ALG14: variants seen among roughly 807,000 people sequenced by gnomAD.
The protein encoded by ALG14 is UDP-N-acetylglucosamine transferase subunit ALG14.
Under a neutral mutation model 22.8 loss-of-function variants are expected in ALG14, and 17 were observed. That is an observed-to-expected ratio of 0.75 (90% CI 0.51 to 1.12). The LOEUF (loss-of-function observed/expected upper bound fraction) is 1.12. Ranked by LOEUF, ALG14 falls within the 50% of genes most tolerant of loss-of-function variation. The pLI, the probability that ALG14 is intolerant of heterozygous loss-of-function variation, is 0.00. For synonymous variants in ALG14, 89 were observed against 103.7 expected (o/e 0.86, Z 0.86); for missense variants, 288 against 271.8 (o/e 1.06, Z -0.42).
intron 2 of ALG14, among the ~76,000 whole-genome samples, chr1:95,041,835 A>G (rs1210688783): frequency 6.6e-6 from 1 of 152,120 alleles, no homozygotes; most frequent in Non-Finnish European, 1.5e-5. Context: ...TGGTTGATAA[A>G]TCCTGCAACC....
intron 3 of ALG14, among the ~76,000 whole-genome samples, chr1:94,995,407 G>T (rs1451419685): frequency 6.6e-6 from 1 of 152,150 alleles, no homozygotes; most frequent in East Asian, 1.9e-4. Flanking sequence ...TACTCTTGGT[G>T]TGCTTAAAGA....
chr1:94,998,129 A>G (rs1672955052), intron 3 of ALG14, among the ~76,000 whole-genome samples: 2 of 152,238 alleles, frequency 1.3e-5, no homozygotes. Flanking sequence ...GGTAACATTT[A>G]AAATAAAATT....
chr1:95,039,842 C>T (rs1387797091), intron 2 of ALG14, among the ~76,000 whole-genome samples: 1 of 152,030 alleles, frequency 6.6e-6, no homozygotes, highest in Non-Finnish European at 1.5e-5. Context: ...GGAGCAGAAG[C>T]CTCGCTTGAC....
intron 2 of ALG14, among the ~76,000 whole-genome samples, chr1:95,059,706 T>C (rs1465017481): frequency 6.6e-6 from 1 of 152,028 alleles, no homozygotes; most frequent in South Asian, 2.1e-4. Flanking sequence ...TGTTCTATTC[T>C]ATATGATCCA....
At chr1:95,042,652 C>T (rs1674419173) in intron 2 of ALG14, among the ~76,000 whole-genome samples, 1 of 152,252 alleles carries the variant, frequency 6.6e-6, no homozygotes. Flanking sequence ...GACACTGCTC[C>T]ACTGTACTTC....
intron 3 of ALG14, among the ~76,000 whole-genome samples, chr1:95,015,448 A>G (rs541527291): frequency 1.3e-5 from 2 of 152,366 alleles, no homozygotes; most frequent in Non-Finnish European, 2.9e-5. Context: ...ACTAGAGAAC[A>G]ATTAAATGCT....
Position 94,975,050 on chromosome 1 carries a change from CT to C in ALG14, c.*8025del, listed in dbSNP as rs1672368506. On this transcript the variant is annotated 3_prime_UTR_variant, in exon 4 of 4. Transcript: ENST00000370205. ...ATTCACCCAGTATACAATTCAGTGG[CT>C]TTTAGTATATTCACAGAGATGTACA... 1 of 152,192 alleles carries C rather than the reference CT, an allele frequency of 6.6e-6. No homozygotes were observed. The highest frequency in any genetic ancestry group is 1.5e-5 in the Non-Finnish European group (1 of 68,042). The allele number at this position is 152,192 out of a possible 1,614,324, so 9.4% of individuals were successfully genotyped here.
At chr1:94,983,381 CCTGATTTCAGA>C (rs1328205252) in intron 3 of ALG14, 75 bp from the exon 4 acceptor site, 10 of 1,243,494 alleles carry the variant, frequency 8.0e-6, no homozygotes, top group Non-Finnish European at 1.1e-5. Context: ...TTAAGAACAG[CCTGATTTCAGA>C]GGGGATCTGC....
intron 2 of ALG14, among the ~76,000 whole-genome samples, chr1:95,029,196 G>C: frequency 8.5e-6 from 1 of 117,948 alleles, no homozygotes; most frequent in East Asian, 3.8e-4. Flanking sequence ...CCACTTCCAA[G>C]GTGGCTCACT....
At position 94,983,152 on chromosome 1, in the gene ALG14, G is replaced by A. The variant is rs1442540975; in HGVS notation, c.575C>T (p.Ser192Leu). ...SMSGKILFHLSDYFIVQWPAL... is the reference protein window; with the variant it reads ...SMSGKILFHLLDYFIVQWPAL... ...CGGCCACTGAACAATGAAGTAATCT[G>A]AGAGATGAAACAGAATCTTTCCGGA... is the stretch of plus-strand genomic sequence containing the variant. Residue 192 changes from serine to leucine, a missense_variant, in exon 4 of 4, where the codon TCA (serine) becomes TTA (leucine). Ser to Leu is a moderately radical substitution (Grantham distance 145, BLOSUM62 -2). Transcript: ENST00000370205. 5.0e-6 allele frequency: 8 copies of A among 1,614,104 alleles called. No homozygotes were observed. Among genetic ancestry groups the A allele is most frequent in the Non-Finnish European group, 6.8e-6 (8 of 1,180,022 alleles).
At chr1:95,060,129 AACACACACACACACACACACAC>A (rs60558070) in intron 2 of ALG14, among the ~76,000 whole-genome samples, 61 of 143,048 alleles carry the variant, frequency 4.3e-4, no homozygotes, top group Middle Eastern at 3.5e-3. Flanking sequence ...TACACACACA[AACACACACACACACACACACAC>A]ACACACACAC....
chr1:95,023,625 A>G (rs1035909335), intron 3 of ALG14, among the ~76,000 whole-genome samples: 1 of 152,234 alleles, frequency 6.6e-6, no homozygotes, highest in African/African-American at 2.4e-5. Flanking sequence ...GAAATGGTCC[A>G]TTTCCTTTCA....
intron 2 of ALG14, among the ~76,000 whole-genome samples, chr1:95,043,985 G>A (rs774488023): frequency 2.6e-5 from 4 of 152,126 alleles, no homozygotes; most frequent in African/African-American, 7.2e-5. Context: ...GGAGTTTCCA[G>A]GTTCCTCTAG....
At position 95,047,007 on chromosome 1, in the gene ALG14, A is replaced by G. The variant is rs569026015; in HGVS notation, c.288+17859T>C. The stretch of plus-strand genomic sequence containing the variant: ...ATAACATAACATAACATAACATAAC[A>G]TAACATAACATAACATAACATAACA... On this transcript the variant is annotated intron_variant, in intron 2 of 3. Coordinates refer to ENST00000370205, the MANE Select transcript of ALG14 (RefSeq NM_144988.4). Among the ~76,000 whole-genome samples the G allele has an allele frequency of 1.8e-4, 28 of 151,744 alleles. No individual in the cohort carries two copies. The South Asian group carries it at 4.6e-3, about 25-fold the overall frequency.
intron 3 of ALG14, among the ~76,000 whole-genome samples, chr1:95,019,723 G>T (rs1016653868): frequency 6.6e-6 from 1 of 152,184 alleles, no homozygotes; most frequent in Non-Finnish European, 1.5e-5. Context: ...GCTCACGCTT[G>T]TAATCCCAGG....
At chr1:95,052,203 G>A (rs189481903) in intron 2 of ALG14, among the ~76,000 whole-genome samples, 2 of 152,058 alleles carry the variant, frequency 1.3e-5, no homozygotes, top group East Asian at 1.9e-4. Flanking sequence ...ATGAAGGAAC[G>A]AATGAAATAC....
At chr1:95,019,169 T>C (rs1673586168) in intron 3 of ALG14, among the ~76,000 whole-genome samples, 1 of 152,248 alleles carries the variant, frequency 6.6e-6, no homozygotes, top group Non-Finnish European at 1.5e-5. Context: ...CCCTTTGCAA[T>C]TCTACAGCTG....
In ALG14 at chr1:94,975,475, CAT is replaced by C. The variant is rs1229426103; in HGVS notation, c.*7599_*7600del. ...GAACATATAAGTTTTTGTGTAAATA[CAT>C]GTTTTTAATTCTCCAGGGTATACAC... is the stretch of plus-strand genomic sequence containing the variant. On this transcript the variant is annotated 3_prime_UTR_variant, in exon 4 of 4. Transcript: ENST00000370205. The C allele has an allele frequency of 2.0e-5, 3 of 152,142 alleles. No homozygotes were observed. The highest frequency in any genetic ancestry group is 7.2e-5 in the African/African-American group (3 of 41,414). 9.4% of individuals were successfully genotyped at this position (152,142 alleles called of 1,614,324 possible).
chr1:95,059,570 G>T (rs2100830526), intron 2 of ALG14, among the ~76,000 whole-genome samples: 1 of 151,678 alleles, frequency 6.6e-6, no homozygotes, highest in Admixed American at 6.6e-5. Context: ...TTAACTTTTG[G>T]GAGGGGCCCT....
Sources: allele counts gnomAD v4.1 joint callset (sites outside exome capture counted in the v4.1 genomes callset), GRCh38; gene constraint gnomAD v4.1.1; transcripts MANE v1.5; gene names NCBI Gene and HGNC (gene_info 2026-07-23, HGNC 2026-07-21).